Variants in ST3GAL3 observed in about 807,000 individuals in gnomAD.
The protein encoded by ST3GAL3 is CMP-N-acetylneuraminate-beta-1,4-galactoside alpha-2,3-sialyltransferase.
Under a neutral mutation model 50.1 loss-of-function variants are expected in ST3GAL3, and 21 were observed. That is an observed-to-expected ratio of 0.42 (90% CI 0.30 to 0.60). The LOEUF is 0.60. ST3GAL3 is among the 20% of genes least tolerant of loss of function. The probability of loss-of-function intolerance (pLI) is 0.19; values close to 1 mark genes in which losing one functional copy is unlikely to be tolerated. For synonymous variants in ST3GAL3, 183 were observed against 190.0 expected (o/e 0.96, Z 0.30); for missense variants, 353 against 489.4 (o/e 0.72, Z 2.63).
intron 3 of ST3GAL3, among the ~76,000 whole-genome samples, chr1:43,809,689 C>T (rs1279543797): frequency 1.4e-5 from 2 of 143,140 alleles, no homozygotes; most frequent in African/African-American, 5.0e-5. Context: ...GGGTTGAGAC[C>T]CTGTCTCTTA....
chr1:43,900,231 A>G (rs1303336458), intron 9 of ST3GAL3, among the ~76,000 whole-genome samples: 1 of 152,062 alleles, frequency 6.6e-6, no homozygotes, highest in African/African-American at 2.4e-5. Context: ...AGACCCCTCA[A>G]CTTGAGAGTG....
At chr1:43,716,465 AC>A (rs1384430135) in intron 1 of ST3GAL3, 4 of 152,204 alleles carry the variant, frequency 2.6e-5, no homozygotes, top group Non-Finnish European at 5.9e-5. Context: ...AGATCCTATT[AC>A]GGGCTTGCTT....
At chr1:43,833,240 A>G (rs2063786568) in intron 4 of ST3GAL3, among the ~76,000 whole-genome samples, 1 of 152,174 alleles carries the variant, frequency 6.6e-6, no homozygotes, top group Admixed American at 6.5e-5. Context: ...CCTGTTGATT[A>G]ACCTTCCAAG....
chr1:43,905,220 TC>T (rs2079099182), intron 9 of ST3GAL3, among the ~76,000 whole-genome samples: 1 of 85,008 alleles, frequency 1.2e-5, no homozygotes. Context: ...CTCCTGTTCC[TC>T]TTCCCGCCAC....
At chr1:43,847,916 T>C (rs1213256867) in intron 5 of ST3GAL3, among the ~76,000 whole-genome samples, 4 of 152,346 alleles carry the variant, frequency 2.6e-5, no homozygotes, top group African/African-American at 7.2e-5. Flanking sequence ...TTCCATATGG[T>C]ATCCTCTTTC....
intron 1 of ST3GAL3, among the ~76,000 whole-genome samples, chr1:43,714,490 A>G (rs972437806): frequency 6.0e-5 from 9 of 150,382 alleles, no homozygotes; most frequent in African/African-American, 2.2e-4. Flanking sequence ...CTGTAGTCCC[A>G]GCTGCTCTGG....
At chr1:43,869,271 G>T (rs1174289421) in intron 5 of ST3GAL3, among the ~76,000 whole-genome samples, 2 of 152,136 alleles carry the variant, frequency 1.3e-5, no homozygotes, top group African/African-American at 2.4e-5. Context: ...TCCCCCTGTG[G>T]TCTTAGTTCT....
intron 1 of ST3GAL3, among the ~76,000 whole-genome samples, chr1:43,729,151 A>G (rs1036075406): frequency 2.1e-5 from 3 of 142,410 alleles, no homozygotes; most frequent in African/African-American, 5.3e-5. Context: ...GTGCAGTGCC[A>G]TGATCTGGGC....
intron 3 of ST3GAL3, among the ~76,000 whole-genome samples, chr1:43,796,727 A>G (rs1360939422): frequency 6.6e-6 from 1 of 152,208 alleles, no homozygotes; most frequent in Admixed American, 6.5e-5. Context: ...GAACCAGGAA[A>G]ATTTGAACTT....
chr1:43,872,412 C>T (rs2073183948), intron 5 of ST3GAL3, among the ~76,000 whole-genome samples: 1 of 151,268 alleles, frequency 6.6e-6, no homozygotes, highest in Non-Finnish European at 1.5e-5. Flanking sequence ...GCTGGTGAGG[C>T]ACCTGCTGCT....
chr1:43,816,047 A>G (rs2061205968), intron 4 of ST3GAL3, among the ~76,000 whole-genome samples: 1 of 152,108 alleles, frequency 6.6e-6, no homozygotes, highest in Admixed American at 6.5e-5. Context: ...ATGCTCAATA[A>G]ATCCTTGCAG....
rs2060821032 is a variant in ST3GAL3 at position 43,813,570 on chromosome 1, A to AT, written c.167-1320dup. On this transcript the variant is annotated intron_variant, in intron 3 of 11. Coordinates refer to ENST00000347631, the MANE Select transcript of ST3GAL3 (RefSeq NM_006279.5). ...TACATTGAGTTGTGTGTCCTAGTTG[A>AT]TATCTTCAATTTTAAGAAGAGGATT... 6.6e-5 allele frequency among the ~76,000 whole-genome samples: 10 copies of AT among 152,290 alleles called. No individual in the cohort carries two copies. The South Asian group carries it at 2.1e-3, about 32-fold the overall frequency.
At chr1:43,736,952 T>C (rs1339201447) in intron 2 of ST3GAL3, 2 of 227,630 alleles carry the variant, frequency 8.8e-6, no homozygotes, top group African/African-American at 4.7e-5. Flanking sequence ...GTGCACTTTG[T>C]CTCATGTGTT....
chr1:43,745,585 G>A (rs1284514790), intron 2 of ST3GAL3, among the ~76,000 whole-genome samples: 2 of 152,196 alleles, frequency 1.3e-5, no homozygotes, highest in Non-Finnish European at 2.9e-5. Flanking sequence ...GGTTCCGTAA[G>A]ATTATAATAT....
intron 1 of ST3GAL3, 59 bp from the exon 2 acceptor site, chr1:43,736,174 A>G: frequency 6.8e-7 from 1 of 1,460,708 alleles, no homozygotes. Flanking sequence ...ACTTTAAGAG[A>G]GAATATATCA....
At chr1:43,903,913 G>GT (rs1422642366) in intron 9 of ST3GAL3, among the ~76,000 whole-genome samples, 5 of 152,100 alleles carry the variant, frequency 3.3e-5, no homozygotes, top group African/African-American at 1.2e-4. Context: ...ATCTTTCAGG[G>GT]TTTTTTTAAA....
intron 5 of ST3GAL3, among the ~76,000 whole-genome samples, chr1:43,864,939 A>G (rs766039869): frequency 3.0e-4 from 45 of 152,152 alleles, no homozygotes; most frequent in Middle Eastern, 6.8e-3. Context: ...CCTGCAGAAC[A>G]TCCCTGTGAA....
At chr1:43,748,896 A>ATTTTTTTT (rs1684945793) in intron 2 of ST3GAL3, among the ~76,000 whole-genome samples, 1 of 152,176 alleles carries the variant, frequency 6.6e-6, no homozygotes. Context: ...TCAATAGCTG[A>ATTTTTTTT]TTCTAAAATT....
chr1:43,753,478 T>C (rs948620488), intron 2 of ST3GAL3, among the ~76,000 whole-genome samples: 1 of 152,230 alleles, frequency 6.6e-6, no homozygotes, highest in Non-Finnish European at 1.5e-5. Flanking sequence ...GATCAGTTTA[T>C]AGGCCATTGT....
Sources: gnomAD v4.1 joint callset for allele counts (sites outside exome capture counted in the v4.1 genomes callset) on GRCh38, gnomAD v4.1.1 for gene constraint, MANE v1.5 for transcripts, NCBI Gene and HGNC (gene_info 2026-07-23, HGNC 2026-07-21) for gene names.